Variants in PIDD1 observed in about 807,000 individuals in gnomAD.
The protein encoded by PIDD1 is p53-induced death domain protein 1, also known as p53-induced death domain-containing protein 1.
In PIDD1, 72 loss-of-function variants were observed where a neutral mutation model predicts 80.0. That is an observed-to-expected ratio of 0.90 (90% CI 0.74 to 1.09). The LOEUF is 1.09. Ranked by LOEUF, PIDD1 falls within the 50% of genes least tolerant of loss-of-function variation. The pLI is 0.00. For missense variants in PIDD1, 1,329 were observed against 1,228.3 expected (o/e 1.08, Z -1.23); for synonymous variants, 655 against 543.5 (o/e 1.21, Z -2.85).
At chr11:805,635 A>G, upstream of PIDD1, 5 of 985,464 alleles carry the variant, frequency 5.1e-6, no homozygotes, top group Non-Finnish European at 6.0e-6. Flanking sequence ...AAGCCGGAAC[A>G]ATTGCAGTGT....
rs781207672 is a variant in PIDD1 at position 800,173 on chromosome 11, G to A, written c.2232C>T (p.Gly744=). Residue 744 remains glycine (G), a synonymous_variant, in exon 14 of 16, where the codon GGC becomes GGT. Coordinates refer to ENST00000347755, the MANE Select transcript of PIDD1 (RefSeq NM_145886.4). ...EEAEAARQRK[G]ADALWMATLP... ...GAGTGGCCATCCACAGGGCGTCTGC[G>A]CCCTTCCTCTGCCGGGCAGCCTCAG... 6.2e-6 allele frequency: 10 copies of A among 1,610,786 alleles called. No homozygotes were observed. The highest frequency in any genetic ancestry group is 2.2e-5 in the East Asian group (1 of 44,832).
Position 803,529 on chromosome 11 carries a change from G to A in PIDD1, c.354C>T (p.Pro118=), listed in dbSNP as rs142349182. ...ACLRGALTNL[P]AGLSGLAHLA... Reference sequence around the variant, plus strand: ...GATGGGCCAGGCCACTCAGACCAGCGGGCAGGTTGGTCAGGGCACCCCGGA... The same window carrying A: ...GATGGGCCAGGCCACTCAGACCAGCAGGCAGGTTGGTCAGGGCACCCCGGA... Residue 118 remains proline, a synonymous_variant, in exon 3 of 16, where the codon CCC becomes CCT. Transcript: ENST00000347755. The A allele has an allele frequency of 3.0e-5, 49 of 1,613,024 alleles. No homozygotes were observed. In the Middle Eastern group the frequency reaches 4.9e-4, roughly 16 times the overall value.
chr11:803,807 C>T, intron 2 of PIDD1: 9 of 637,206 alleles, frequency 1.4e-5, no homozygotes, highest in Non-Finnish European at 2.2e-5. Flanking sequence ...ACAACCATCA[C>T]CCACAACCTT....
At position 799,299 on chromosome 11, in the gene PIDD1, T is replaced by C. The variant is rs370630028; in HGVS notation, c.*8A>G. 3.2e-6 allele frequency: 5 copies of C among 1,578,154 alleles called. No homozygotes were observed. The African/African-American group carries it at 6.7e-5, about 21-fold the overall frequency. Reference sequence around the variant, plus strand: ...GAATATCTGGGCCAGCCTAAAAGTCTGTGGGGCCTAGGCCTGGGCAGGCTC... The same window carrying C: ...GAATATCTGGGCCAGCCTAAAAGTCCGTGGGGCCTAGGCCTGGGCAGGCTC... On this transcript the variant is annotated 3_prime_UTR_variant, in exon 16 of 16. Coordinates refer to ENST00000347755, the MANE Select transcript of PIDD1 (RefSeq NM_145886.4).
upstream of PIDD1, chr11:805,314 C>CGGAA: frequency 1.3e-6 from 1 of 746,744 alleles, no homozygotes; most frequent in Non-Finnish European, 1.6e-6. Flanking sequence ...CGCGCCCCCT[C>CGGAA]CGCCGGGCTG....
upstream of PIDD1, among the ~76,000 whole-genome samples, chr11:807,331 T>C (rs900917319): frequency 6.9e-6 from 1 of 144,712 alleles, no homozygotes; most frequent in African/African-American, 2.6e-5. Flanking sequence ...ACTAAAAAAT[T>C]AGCTGGGCGT....
In PIDD1 at chr11:801,440, C is replaced by T; in HGVS notation, c.1482+5G>A. On this transcript the variant is annotated splice_donor_5th_base_variant and intron_variant, in intron 8 of 15. Transcript: ENST00000347755. ...CTGCCACCCTCAGTGCTGTCCTGGCCATACCTGCATGGAGACTCGACGAGG... is the reference window on the plus strand; with the variant it reads ...CTGCCACCCTCAGTGCTGTCCTGGCTATACCTGCATGGAGACTCGACGAGG... 6.4e-7 allele frequency: 1 copy of T among 1,553,310 alleles called. No individual in the cohort carries two copies. Among genetic ancestry groups the T allele is most frequent in the Non-Finnish European group, 8.7e-7 (1 of 1,148,086 alleles).
Position 800,835 on chromosome 11 carries a change from C to T in PIDD1, c.1844G>A (p.Arg615His), listed in dbSNP as rs201970984. The T allele has an allele frequency of 3.0e-5, 47 of 1,566,184 alleles. No homozygotes were observed. The highest frequency in any genetic ancestry group is 1.5e-4 in the African/African-American group (11 of 74,062). The change falls in exon 11 of 16, where the codon CGT becomes CAT. Residue 615 changes from arginine to histidine, a missense_variant. Arg to His is a conservative substitution (Grantham distance 29). Coordinates refer to ENST00000347755, the MANE Select transcript of PIDD1 (RefSeq NM_145886.4). ...CCGCTGCAGAGCGATGAGGTTCACACGGTGCAGCCGCAGCCGCTCCCAGGC... is the reference window on the plus strand; with the variant it reads ...CCGCTGCAGAGCGATGAGGTTCACATGGTGCAGCCGCAGCCGCTCCCAGGC... ...RKAWERLRLH[R>H]VNLIALQRRR...
intron 2 of PIDD1, 24 bp from the exon 3 acceptor site, chr11:803,611 G>A (rs1309368437): frequency 1.3e-6 from 2 of 1,586,336 alleles, no homozygotes; most frequent in East Asian, 4.6e-5. Flanking sequence ...AGGCGGATGT[G>A]GCCCTCAGAG....
rs1248862048 is a variant in PIDD1, at chr11:804,094, C to T, written c.295G>A (p.Gly99Arg). The change falls in exon 2 of 16, where the codon GGA (glycine) becomes AGA (arginine). Residue 99 changes from glycine (G) to arginine (R), a missense_variant and splice_region_variant. Coordinates refer to ENST00000347755, the MANE Select transcript of PIDD1 (RefSeq NM_145886.4). ...AGGGCCCAGAACAGGTGGAACTCAC[C>T]TTTGAGGACCAGGGAGCGGAGGCAG... The part of the protein sequence containing the change: ...LSCLRSLVLK[G>R]GQRRDTLGAC... The T allele has an allele frequency of 6.2e-7, 1 of 1,605,810 alleles. No individual in the cohort carries two copies. The highest frequency in any genetic ancestry group is 1.1e-5 in the South Asian group (1 of 90,268).
upstream of PIDD1, among the ~76,000 whole-genome samples, chr11:806,248 CAGG>C (rs1865767004): frequency 6.6e-6 from 1 of 152,026 alleles, no homozygotes; most frequent in African/African-American, 2.4e-5. Flanking sequence ...CTTCCTCGCC[CAGG>C]AGAACAGGTA....
rs755211518 is a variant in PIDD1 at position 804,139 on chromosome 11, G to A, written c.250C>T (p.Gln84Ter). Residue 84 changes from glutamine to a stop codon, truncating the protein, a stop_gained, in exon 2 of 16, where the codon CAG becomes TAG. Transcript: ENST00000347755. LOFTEE classifies it high-confidence loss of function. Reference sequence around the variant, plus strand: ...AGGCAGGACAGGCTCTGAGGCAGCTGGGCCAGGGTGGCCTCCAGCAGCTGA... The same window carrying A: ...AGGCAGGACAGGCTCTGAGGCAGCTAGGCCAGGGTGGCCTCCAGCAGCTGA... Reference protein sequence around the residue: ...DPQLLEATLAQLPQSLSCLRS... With the variant: ...DPQLLEATLA 1.7e-5 allele frequency: 28 copies of A among 1,613,132 alleles called. No individual in the cohort carries two copies. The highest frequency in any genetic ancestry group is 2.2e-5 in the South Asian group (2 of 91,030).
At chr11:804,519 G>C (rs536750552) in intron 1 of PIDD1, 56 bp from the exon 2 acceptor site, 1 of 1,429,658 alleles carries the variant, frequency 7.0e-7, no homozygotes, top group Non-Finnish European at 9.1e-7. Context: ...TCTCTTTGGG[G>C]AAACAGGGAC....
rs200618615 is a variant in PIDD1 at position 799,429 on chromosome 11, C to T, written c.2611G>A (p.Ala871Thr). Residue 871 changes from alanine to threonine, a missense_variant, in exon 16 of 16, where the codon GCA becomes ACA. Physicochemically the swap from Ala to Thr is moderately conservative, Grantham distance 58. Transcript: ENST00000347755. ...DRQDVAEEVR[A>T]VLELGRRKYQ... ...TTGCGGCGGCCGAGCTCCAAGACTG[C>T]GCGCACCTCTTCAGCCACGTCCTGC... 2.2e-5 allele frequency: 35 copies of T among 1,611,110 alleles called. No homozygotes were observed. In the Middle Eastern group the frequency reaches 9.9e-4, roughly 45 times the overall value.
chr11:802,466 A>C, intron 5 of PIDD1, 70 bp from the exon 6 acceptor site: 1 of 1,598,940 alleles, frequency 6.3e-7, no homozygotes, highest in Non-Finnish European at 8.6e-7. Flanking sequence ...GGACCCAGGA[A>C]CTCTGGAGAA....
rs988886746 is a variant in PIDD1 at position 804,259 on chromosome 11, G to T, written c.130C>A (p.Pro44Thr). The change falls in exon 2 of 16, where the codon CCC (proline) becomes ACC (threonine). Residue 44 changes from proline to threonine, a missense_variant. By Grantham distance (38) the Pro-to-Thr change is conservative. Coordinates refer to ENST00000347755, the MANE Select transcript of PIDD1 (RefSeq NM_145886.4). ...TGCAGCAGCTGCTGGCAGCCCCCGGGGTACAGGTCCAAGCTCAGCCGGTTG... is the reference window on the plus strand; with the variant it reads ...TGCAGCAGCTGCTGGCAGCCCCCGGTGTACAGGTCCAAGCTCAGCCGGTTG... Reference protein sequence around the residue: ...GGNRLSLDLYPGGCQQLLHLC... With the variant: ...GGNRLSLDLYTGGCQQLLHLC... 1.2e-6 allele frequency: 2 copies of T among 1,613,038 alleles called. No individual in the cohort carries two copies. The highest frequency in any genetic ancestry group is 1.7e-4 in the Middle Eastern group (1 of 6,060).
In PIDD1 at chr11:804,273, C is replaced by T. The variant is rs1865617919; in HGVS notation, c.116G>A (p.Ser39Asn). ...GCAGCCCCCGGGGTACAGGTCCAAGCTCAGCCGGTTGCCGCCCAGGAAAGG... is the reference window on the plus strand; with the variant it reads ...GCAGCCCCCGGGGTACAGGTCCAAGTTCAGCCGGTTGCCGCCCAGGAAAGG... ...ALPFLGGNRLSLDLYPGGCQQ... is the reference protein window; with the variant it reads ...ALPFLGGNRLNLDLYPGGCQQ... The change falls in exon 2 of 16, where the codon AGC becomes AAC. Residue 39 changes from serine (S) to asparagine (N), a missense_variant. By Grantham distance (46) the Ser-to-Asn change is conservative. Coordinates refer to ENST00000347755, the MANE Select transcript of PIDD1 (RefSeq NM_145886.4). 6.2e-7 allele frequency: 1 copy of T among 1,613,022 alleles called. No homozygotes were observed. Among genetic ancestry groups the T allele is most frequent in the Non-Finnish European group, 8.5e-7 (1 of 1,179,992 alleles).
chr11:808,515 G>T (rs1053407331), upstream of PIDD1, among the ~76,000 whole-genome samples: 2 of 152,198 alleles, frequency 1.3e-5, no homozygotes, highest in Admixed American at 6.5e-5. Context: ...GATCGCTTGA[G>T]CCCATGTTGG....
At chr11:806,627 G>C (rs1370890386), upstream of PIDD1, among the ~76,000 whole-genome samples, 1 of 151,494 alleles carries the variant, frequency 6.6e-6, no homozygotes, top group Non-Finnish European at 1.5e-5. Flanking sequence ...GTGTCCCAGA[G>C]GCTGGAGTGC....
Sources: gnomAD v4.1 joint callset for allele counts (sites outside exome capture counted in the v4.1 genomes callset) on GRCh38, gnomAD v4.1.1 for gene constraint, MANE v1.5 for transcripts, NCBI Gene and HGNC (gene_info 2026-07-23, HGNC 2026-07-21) for gene names.